The following RAB27B variants were observed in gnomAD, a reference collection of about 807,000 sequenced individuals.
RAB27B encodes ras-related protein Rab-27B.
RAB27B carries 15 observed loss-of-function variants against 24.6 expected under a neutral mutation model. The observed-to-expected ratio is 0.61, with a 90% CI of 0.41 to 0.94. RAB27B has a LOEUF of 0.94. Ranked by LOEUF, RAB27B falls within the 40% of genes least tolerant of loss-of-function variation. The probability of loss-of-function intolerance (pLI) is 0.00; values close to 1 mark genes in which losing one functional copy is unlikely to be tolerated. For synonymous variants in RAB27B, 105 were observed against 92.5 expected (o/e 1.14, Z -0.78); for missense variants, 261 against 266.8 (o/e 0.98, Z 0.15).
At chr18:54,818,997 C>G (rs987524925) in intron 2 of RAB27B, among the ~76,000 whole-genome samples, 2 of 151,612 alleles carry the variant, frequency 1.3e-5, no homozygotes, top group Admixed American at 6.6e-5. Flanking sequence ...GCCACTCAAC[C>G]TTCAGTAGCA....
chr18:54,831,818 C>T (rs544613478), intron 1 of RAB27B, among the ~76,000 whole-genome samples: 1 of 151,868 alleles, frequency 6.6e-6, no homozygotes, highest in African/African-American at 2.4e-5. Flanking sequence ...GCTCTGTTGG[C>T]AGGCTGGAGT....
intron 2 of RAB27B, among the ~76,000 whole-genome samples, chr18:54,722,636 A>G (rs1909396157): frequency 6.6e-6 from 1 of 152,202 alleles, no homozygotes; most frequent in African/African-American, 2.4e-5. Flanking sequence ...TAAAGAAGGT[A>G]GTTCATTGAT....
chr18:54,867,456 T>G (rs147632888), intron 1 of RAB27B, among the ~76,000 whole-genome samples: 4,657 of 146,580 alleles, frequency 0.032, 278 homozygotes, highest in African/African-American at 0.11. Context: ...TTTTTTTTTT[T>G]TTTTTTCTGA....
At chr18:54,810,723 G>C (rs1049030339) in intron 2 of RAB27B, among the ~76,000 whole-genome samples, 4 of 152,010 alleles carry the variant, frequency 2.6e-5, no homozygotes, top group Admixed American at 2.6e-4. Context: ...TCAGCTGCTT[G>C]GGAGGCTGAA....
intron 1 of RAB27B, among the ~76,000 whole-genome samples, chr18:54,833,985 G>A (rs911743686): frequency 6.6e-6 from 1 of 152,182 alleles, no homozygotes; most frequent in African/African-American, 2.4e-5. Context: ...TGTCAGAGCT[G>A]TTATAGAGAT....
At chr18:54,797,960 TC>T (rs1411083060) in intron 2 of RAB27B, among the ~76,000 whole-genome samples, 1 of 152,250 alleles carries the variant, frequency 6.6e-6, no homozygotes, top group East Asian at 1.9e-4. Flanking sequence ...AGTATTAGTG[TC>T]AGCTCTACCC....
chr18:54,755,781 C>G (rs1907986540), intron 2 of RAB27B, among the ~76,000 whole-genome samples: 3 of 152,208 alleles, frequency 2.0e-5, no homozygotes, highest in African/African-American at 4.8e-5. Flanking sequence ...TGTTTTAGCA[C>G]AGCCATCAGA....
chr18:54,857,242 G>A (rs753890937), intron 1 of RAB27B, among the ~76,000 whole-genome samples: 14 of 152,118 alleles, frequency 9.2e-5, no homozygotes, highest in Non-Finnish European at 1.8e-4. Flanking sequence ...CTAATGGTAT[G>A]TGCTGTCTTA....
At chr18:54,735,836 A>G (rs2145000386) in intron 2 of RAB27B, among the ~76,000 whole-genome samples, 1 of 152,270 alleles carries the variant, frequency 6.6e-6, no homozygotes, top group Middle Eastern at 3.4e-3. Context: ...CTTTTGTGAT[A>G]GAATTTATAA....
intron 1 of RAB27B, among the ~76,000 whole-genome samples, chr18:54,867,470 G>C (rs1388744811): frequency 1.1e-5 from 1 of 89,988 alleles, no homozygotes; most frequent in East Asian, 3.1e-4. Context: ...TTTCTGAGAT[G>C]GAGTCTCGCT....
intron 2 of RAB27B, among the ~76,000 whole-genome samples, chr18:54,737,674 A>G (rs1239990281): frequency 6.6e-6 from 1 of 152,202 alleles, no homozygotes; most frequent in African/African-American, 2.4e-5. Flanking sequence ...TATTGAAAGA[A>G]TAAACAAGTG....
At chr18:54,807,196 G>C (rs1460570645) in intron 2 of RAB27B, among the ~76,000 whole-genome samples, 1 of 152,198 alleles carries the variant, frequency 6.6e-6, no homozygotes, top group African/African-American at 2.4e-5. Context: ...ACCGCGCCCG[G>C]CCTAAGCTAA....
chr18:54,743,270 CTCTTTTTGTGGTGGTAT>C (rs1910126054), intron 2 of RAB27B, among the ~76,000 whole-genome samples: 1 of 152,152 alleles, frequency 6.6e-6, no homozygotes, highest in African/African-American at 2.4e-5. Context: ...GAATTAGAAG[CTCTTTTTGTGGTGGTAT>C]TCTATTATTC....
intron 1 of RAB27B, among the ~76,000 whole-genome samples, chr18:54,867,885 C>G (rs1372163185): frequency 6.6e-6 from 1 of 152,224 alleles, no homozygotes; most frequent in Non-Finnish European, 1.5e-5. Flanking sequence ...CTCACCACCT[C>G]AAACCTCAGT....
chr18:54,721,231 T>A (rs913273945), intron 2 of RAB27B, among the ~76,000 whole-genome samples: 1 of 152,138 alleles, frequency 6.6e-6, no homozygotes, highest in African/African-American at 2.4e-5. Flanking sequence ...TGTTCATACA[T>A]TTGTTGATAT....
chr18:54,863,713 T>C (rs952337454), intron 1 of RAB27B, among the ~76,000 whole-genome samples: 1 of 152,210 alleles, frequency 6.6e-6, no homozygotes, highest in East Asian at 1.9e-4. Flanking sequence ...CTATACACTA[T>C]GTCTATATGG....
intron 2 of RAB27B, among the ~76,000 whole-genome samples, chr18:54,759,454 G>A (rs1035890165): frequency 1.3e-5 from 2 of 152,162 alleles, no homozygotes; most frequent in African/African-American, 4.8e-5. Context: ...TCTGTAGTAT[G>A]CTGAAGTGGG....
At chr18:54,795,411 G>A (rs1909385086) in intron 2 of RAB27B, among the ~76,000 whole-genome samples, 1 of 152,204 alleles carries the variant, frequency 6.6e-6, no homozygotes, top group South Asian at 2.1e-4. Flanking sequence ...GTATCACCAA[G>A]AAAGGCTTTG....
At chr18:54,818,001 A>C (rs1910171835) in intron 2 of RAB27B, among the ~76,000 whole-genome samples, 1 of 152,264 alleles carries the variant, frequency 6.6e-6, no homozygotes, top group East Asian at 1.9e-4. Flanking sequence ...CCCCCATTGA[A>C]GTCGAAGTTG....
Sources: allele counts gnomAD v4.1 joint callset (sites outside exome capture counted in the v4.1 genomes callset), GRCh38; gene constraint gnomAD v4.1.1; transcripts MANE v1.5; gene names NCBI Gene and HGNC (gene_info 2026-07-23, HGNC 2026-07-21).